EPS15: variants seen among roughly 807,000 people sequenced by gnomAD.
EPS15 encodes epidermal growth factor receptor pathway substrate 15.
Under a neutral mutation model 113.8 loss-of-function variants are expected in EPS15, and 72 were observed. That is an observed-to-expected ratio of 0.63 (90% CI 0.52 to 0.77). The LOEUF (loss-of-function observed/expected upper bound fraction) is 0.77, where lower values mean the gene tolerates loss of function less well. EPS15 is among the 30% of genes least tolerant of loss of function. The pLI is 0.00. For synonymous variants in EPS15, 344 were observed against 363.4 expected (o/e 0.95, Z 0.61); for missense variants, 1,048 against 1,045.8 (o/e 1.00, Z -0.03).
At chr1:51,455,310 T>TTGAC (rs112864960) in intron 8 of EPS15, among the ~76,000 whole-genome samples, 9,435 of 152,216 alleles carry the variant, frequency 0.062, 308 homozygotes, top group Non-Finnish European at 0.074. Context: ...ATTTGGCCCT[T>TTGAC]TGGGCACGGT....
intron 12 of EPS15, among the ~76,000 whole-genome samples, chr1:51,429,916 G>A (rs556456378): frequency 6.6e-6 from 1 of 152,242 alleles, no homozygotes; most frequent in South Asian, 2.1e-4. Flanking sequence ...CTCCCAAAGT[G>A]CTGGGATTAC....
At chr1:51,472,751 T>C in intron 3 of EPS15, 108 bp downstream of exon 3, 1 of 810,772 alleles carries the variant, frequency 1.2e-6, no homozygotes, top group Admixed American at 2.0e-5. Context: ...TATGACTCGG[T>C]TCTAACTTCT....
intron 16 of EPS15, among the ~76,000 whole-genome samples, chr1:51,405,094 C>A (rs1648967364): frequency 6.6e-6 from 1 of 152,164 alleles, no homozygotes; most frequent in African/African-American, 2.4e-5. Flanking sequence ...CTTTCCCCAA[C>A]AAAATCTTTA....
intron 1 of EPS15, among the ~76,000 whole-genome samples, chr1:51,509,128 G>A (rs1644574523): frequency 1.3e-5 from 2 of 151,998 alleles, no homozygotes; most frequent in Admixed American, 1.3e-4. Flanking sequence ...AAATGTCATG[G>A]TCTTATTCTG....
intron 1 of EPS15, among the ~76,000 whole-genome samples, chr1:51,502,988 CAG>C (rs1644438685): frequency 7.2e-6 from 1 of 139,354 alleles, no homozygotes. Context: ...GTCTGGGCGA[CAG>C]AGTGAGACTC....
chr1:51,446,883 G>T, intron 10 of EPS15, 77 bp downstream of exon 10: 2 of 1,234,584 alleles, frequency 1.6e-6, no homozygotes, highest in South Asian at 1.5e-5. Context: ...ATTTACAAAT[G>T]ACTAAAAATC....
chr1:51,387,339 C>G (rs1239935965), intron 21 of EPS15, among the ~76,000 whole-genome samples: 1 of 152,024 alleles, frequency 6.6e-6, no homozygotes, highest in African/African-American at 2.4e-5. Context: ...TGGAAAGGAA[C>G]AACCAGTACC....
intron 22 of EPS15, among the ~76,000 whole-genome samples, chr1:51,364,415 C>T (rs1483675350): frequency 2.0e-5 from 3 of 152,002 alleles, no homozygotes; most frequent in South Asian, 2.1e-4. Context: ...GGATTCCATA[C>T]GTCCTAATGA....
chr1:51,513,572 G>T (rs1031357979), intron 1 of EPS15, among the ~76,000 whole-genome samples: 2 of 152,150 alleles, frequency 1.3e-5, no homozygotes, highest in Non-Finnish European at 2.9e-5. Flanking sequence ...AAGCAAATGA[G>T]GGCCTAAAGC....
At chr1:51,490,007 C>T (rs74427151) in intron 1 of EPS15, among the ~76,000 whole-genome samples, 40 of 152,276 alleles carry the variant, frequency 2.6e-4, no homozygotes, top group African/African-American at 8.4e-4. Flanking sequence ...CTTAGTGCAG[C>T]ATAATCTAGC....
chr1:51,406,198 A>G, intron 15 of EPS15, 90 bp from the exon 16 acceptor site: 1 of 1,062,286 alleles, frequency 9.4e-7, no homozygotes, highest in Non-Finnish European at 1.4e-6. Flanking sequence ...CTGACGGGCT[A>G]GGTGTGGTAG....
At chr1:51,464,096 T>C (rs971755751) in intron 6 of EPS15, among the ~76,000 whole-genome samples, 2 of 152,148 alleles carry the variant, frequency 1.3e-5, no homozygotes, top group African/African-American at 4.8e-5. Flanking sequence ...ATTTCAGAGG[T>C]AGAAGGGCTT....
intron 1 of EPS15, among the ~76,000 whole-genome samples, chr1:51,488,472 TAA>T (rs71063033): frequency 1.9e-4 from 16 of 85,306 alleles, no homozygotes; most frequent in African/African-American, 4.2e-4. Context: ...TAAAGTTTTG[TAA>T]AAAAAAAAAA....
intron 7 of EPS15, chr1:51,461,597 T>C (rs988566527): frequency 6.6e-6 from 1 of 151,484 alleles, no homozygotes; most frequent in African/African-American, 2.4e-5. Flanking sequence ...CTGGTTATAA[T>C]TGCCTTGAAA....
At chr1:51,478,234 T>C (rs1363797236) in intron 2 of EPS15, among the ~76,000 whole-genome samples, 2 of 152,214 alleles carry the variant, frequency 1.3e-5, no homozygotes, top group African/African-American at 2.4e-5. Flanking sequence ...CTTTTGATCT[T>C]TGTTGGTTTA....
Position 51,409,740 on chromosome 1 carries a change from G to A in EPS15, c.1114-44C>T, listed in dbSNP as rs1376623988. ...AATATATTTATTTTCTTTGCGGGCA[G>A]GGGAGGGTTAAGTTAGTAATTTTAA... On this transcript the variant is annotated intron_variant, in intron 13 of 24. Coordinates refer to ENST00000371733, the MANE Select transcript of EPS15 (RefSeq NM_001981.3). 8 of 1,391,880 alleles carry A rather than the reference G, an allele frequency of 5.7e-6. No homozygotes were observed. In the African/African-American group the frequency reaches 7.2e-5, roughly 13 times the overall value. The allele number at this position is 1,391,880 out of a possible 1,614,324, so 86.2% of individuals were successfully genotyped here. A position where few individuals can be genotyped will look rare whatever the true frequency, so the allele number is the denominator to read the frequency against.
intron 21 of EPS15, among the ~76,000 whole-genome samples, chr1:51,367,730 T>C (rs544443268): frequency 1.3e-5 from 2 of 152,312 alleles, no homozygotes; most frequent in Non-Finnish European, 1.5e-5. Flanking sequence ...AGAATGTTTA[T>C]AGGAATTGCT....
chr1:51,388,688 A>T (rs926116315), intron 21 of EPS15, among the ~76,000 whole-genome samples: 1 of 152,112 alleles, frequency 6.6e-6, no homozygotes, highest in South Asian at 2.1e-4. Flanking sequence ...TACTACAAAC[A>T]CCTCTATGCA....
intron 21 of EPS15, among the ~76,000 whole-genome samples, chr1:51,382,990 T>G (rs564671712): frequency 3.9e-4 from 59 of 152,288 alleles, no homozygotes; most frequent in Non-Finnish European, 7.2e-4. Context: ...GTAAAAATCC[T>G]CAACAGAATT....
Sources: allele counts gnomAD v4.1 joint callset (sites outside exome capture counted in the v4.1 genomes callset), GRCh38; gene constraint gnomAD v4.1.1; transcripts MANE v1.5; gene names NCBI Gene and HGNC (gene_info 2026-07-23, HGNC 2026-07-21).